ARL15: variants seen among roughly 807,000 people sequenced by gnomAD.
The protein encoded by ARL15 is ARF like GTPase 15.
In ARL15, 19 loss-of-function variants were observed where a neutral mutation model predicts 25.2. That is an observed-to-expected ratio of 0.75 (90% CI 0.53 to 1.10). The LOEUF (loss-of-function observed/expected upper bound fraction) is 1.10, where lower values mean the gene tolerates loss of function less well. Among genes scored for constraint, ARL15 ranks in the 50% least tolerant of loss-of-function variants. The pLI is 0.00. For synonymous variants in ARL15, 94 were observed against 86.8 expected, an observed-to-expected ratio of 1.08 and a Z score of -0.46; for missense variants, 220 against 246.0, an observed-to-expected ratio of 0.89 and a Z score of 0.71.
intron 4 of ARL15, among the ~76,000 whole-genome samples, chr5:54,096,901 C>A (rs1265775996): frequency 2.0e-5 from 3 of 152,094 alleles, no homozygotes; most frequent in Non-Finnish European, 4.4e-5. Flanking sequence ...TAATGTTGAA[C>A]AAAATTCTTT....
chr5:54,246,343 T>G (rs908155542), intron 1 of ARL15, among the ~76,000 whole-genome samples: 9 of 152,068 alleles, frequency 5.9e-5, no homozygotes, highest in Admixed American at 1.3e-4. Context: ...CTCCCTACAT[T>G]TCAGAAGACA....
chr5:54,103,176 G>A (rs1176102383), intron 4 of ARL15, among the ~76,000 whole-genome samples: 1 of 151,136 alleles, frequency 6.6e-6, no homozygotes, highest in Middle Eastern at 3.4e-3. Context: ...TTTTTTTGTT[G>A]TCAAATATTT....
intron 4 of ARL15, among the ~76,000 whole-genome samples, chr5:54,103,493 T>C (rs1188118035): frequency 6.6e-6 from 1 of 152,096 alleles, no homozygotes; most frequent in Non-Finnish European, 1.5e-5. Flanking sequence ...TAAAATTCTA[T>C]ATAAAGAGAT....
At chr5:54,051,308 C>A (rs750830832) in intron 4 of ARL15, among the ~76,000 whole-genome samples, 1 of 152,144 alleles carries the variant, frequency 6.6e-6, no homozygotes, top group African/African-American at 2.4e-5. Flanking sequence ...TTCTCAAAGT[C>A]GCAAGACTAA....
At chr5:54,074,926 A>G (rs531627763) in intron 4 of ARL15, among the ~76,000 whole-genome samples, 1 of 151,792 alleles carries the variant, frequency 6.6e-6, no homozygotes, top group African/African-American at 2.4e-5. Context: ...ACACACTATT[A>G]ATGTTCTTTA....
intron 1 of ARL15, among the ~76,000 whole-genome samples, chr5:54,277,743 C>T (rs1336366387): frequency 6.6e-6 from 1 of 151,576 alleles, no homozygotes; most frequent in Non-Finnish European, 1.5e-5. Flanking sequence ...CAGAGTGAGA[C>T]TTCGTCTCAA....
At chr5:54,071,235 G>C (rs1751408545) in intron 4 of ARL15, among the ~76,000 whole-genome samples, 1 of 151,900 alleles carries the variant, frequency 6.6e-6, no homozygotes, top group Non-Finnish European at 1.5e-5. Flanking sequence ...TTCAATTATA[G>C]CAACAGCAAG....
chr5:54,163,059 T>C (rs1035737743), intron 2 of ARL15, among the ~76,000 whole-genome samples: 10 of 152,134 alleles, frequency 6.6e-5, no homozygotes, highest in Non-Finnish European at 1.3e-4. Context: ...CCTTTAACAG[T>C]TGAGGTAATT....
chr5:54,306,395 T>A (rs1278890107), intron 1 of ARL15, among the ~76,000 whole-genome samples: 2 of 147,838 alleles, frequency 1.4e-5, no homozygotes, highest in Admixed American at 6.7e-5. Context: ...CGTTAACTTT[T>A]TTTTTTTTTT....
intron 4 of ARL15, among the ~76,000 whole-genome samples, chr5:53,908,598 T>C (rs1745350745): frequency 6.6e-6 from 1 of 152,198 alleles, no homozygotes; most frequent in Non-Finnish European, 1.5e-5. Flanking sequence ...GTAAAGGGTT[T>C]GGTACTATCT....
chr5:54,235,222 TG>T (rs1296251863), intron 1 of ARL15, among the ~76,000 whole-genome samples: 2 of 152,186 alleles, frequency 1.3e-5, no homozygotes, highest in African/African-American at 4.8e-5. Flanking sequence ...AACCAATGCT[TG>T]GGGTATACTT....
Position 54,227,735 on chromosome 5 carries a change from G to C in ARL15, c.49-55807C>G, listed in dbSNP as rs574106785. Among the ~76,000 whole-genome samples, 18 of 152,310 alleles carry C rather than the reference G, an allele frequency of 1.2e-4. No individual in the cohort carries two copies. The East Asian group carries it at 3.5e-3, about 29-fold the overall frequency. On this transcript the variant is annotated intron_variant, in intron 1 of 4. Coordinates refer to ENST00000504924, the MANE Select transcript of ARL15 (RefSeq NM_019087.3). Reference sequence around the variant, plus strand: ...TACTTCACTTACAACTGAAAGAAAAGATAACTTTTCCACATTTGAGCACAT... The same window carrying C: ...TACTTCACTTACAACTGAAAGAAAACATAACTTTTCCACATTTGAGCACAT...
chr5:54,205,828 T>G (rs1374642644), intron 1 of ARL15, among the ~76,000 whole-genome samples: 1 of 152,240 alleles, frequency 6.6e-6, no homozygotes, highest in African/African-American at 2.4e-5. Flanking sequence ...AGTTACCTGA[T>G]GACCGACCAA....
chr5:54,144,524 T>C (rs189741157), intron 3 of ARL15, among the ~76,000 whole-genome samples: 11 of 152,352 alleles, frequency 7.2e-5, no homozygotes, highest in African/African-American at 2.4e-4. Flanking sequence ...TCTCTGAATG[T>C]CTTCTTCTGA....
chr5:54,265,581 A>G (rs1466464731), intron 1 of ARL15, among the ~76,000 whole-genome samples: 1 of 152,176 alleles, frequency 6.6e-6, no homozygotes, highest in East Asian at 1.9e-4. Context: ...ACTCCGAATT[A>G]TTTCAGATTT....
At chr5:54,273,408 C>T (rs1367892013) in intron 1 of ARL15, among the ~76,000 whole-genome samples, 3 of 152,026 alleles carry the variant, frequency 2.0e-5, no homozygotes, top group Admixed American at 6.6e-5. Context: ...AACCTAATCA[C>T]GAAGAAACAA....
intron 4 of ARL15, among the ~76,000 whole-genome samples, chr5:54,088,057 G>A (rs1752028658): frequency 6.6e-6 from 1 of 152,116 alleles, no homozygotes; most frequent in South Asian, 2.1e-4. Context: ...AAAATATGAT[G>A]CATCCTAGGA....
chr5:54,065,224 G>T lies in ARL15; in HGVS notation c.462+47978C>A, dbSNP rs751561805. Reference sequence around the variant, plus strand: ...TAATTAAAACTAATCTTTAAAGTAGGTATTCCCACCATGTTTAGTAATAAT... The same window carrying T: ...TAATTAAAACTAATCTTTAAAGTAGTTATTCCCACCATGTTTAGTAATAAT... On this transcript the variant is annotated intron_variant, in intron 4 of 4. Transcript: ENST00000504924. Among the ~76,000 whole-genome samples the T allele has an allele frequency of 5.3e-5, 8 of 152,250 alleles. No individual in the cohort carries two copies. In the South Asian group the frequency reaches 1.2e-3, roughly 24 times the overall value.
chr5:53,972,824 A>G (rs2112187754), intron 4 of ARL15, among the ~76,000 whole-genome samples: 1 of 152,304 alleles, frequency 6.6e-6, no homozygotes, highest in Middle Eastern at 3.4e-3. Flanking sequence ...TTTCAACGTC[A>G]AGGAGTATAT....
Sources: gnomAD v4.1 joint callset for allele counts (sites outside exome capture counted in the v4.1 genomes callset) on GRCh38, gnomAD v4.1.1 for gene constraint, MANE v1.5 for transcripts, NCBI Gene and HGNC (gene_info 2026-07-23, HGNC 2026-07-21) for gene names.